SHPRH: variants seen among roughly 807,000 people sequenced by gnomAD.
SHPRH encodes E3 ubiquitin-protein ligase SHPRH.
A neutral mutation model predicts 202.5 loss-of-function variants in SHPRH; 106 were observed. The observed-to-expected ratio is 0.52, with a 90% CI of 0.45 to 0.62. SHPRH has a LOEUF of 0.62. SHPRH is among the 20% of genes least tolerant of loss of function. The probability of loss-of-function intolerance (pLI) is 0.00; values close to 1 mark genes in which losing one functional copy is unlikely to be tolerated. For synonymous variants in SHPRH, 729 were observed against 686.0 expected (o/e 1.06, Z -0.98); for missense variants, 1,710 against 2,020.0 (o/e 0.85, Z 2.94).
At chr6:145,946,696 TGATA>T (rs1472450253) in intron 6 of SHPRH, among the ~76,000 whole-genome samples, 3 of 151,988 alleles carry the variant, frequency 2.0e-5, no homozygotes, top group Non-Finnish European at 4.4e-5. Context: ...AAGAAGTTAC[TGATA>T]GTTAAGTCAA....
intron 2 of SHPRH, among the ~76,000 whole-genome samples, chr6:145,865,586 A>G (rs1182817711): frequency 6.6e-6 from 1 of 152,232 alleles, no homozygotes; most frequent in Non-Finnish European, 1.5e-5. Context: ...AGGATTTAGA[A>G]GCAGACGTTT....
chr6:145,904,943 G>T (rs1458987465), intron 25 of SHPRH: 2 of 152,082 alleles, frequency 1.3e-5, no homozygotes, highest in African/African-American at 4.8e-5. Flanking sequence ...CACAGCACAT[G>T]TAACTGTGCC....
intron 2 of SHPRH, among the ~76,000 whole-genome samples, chr6:145,875,915 A>G (rs571662553): frequency 3.3e-5 from 5 of 152,342 alleles, no homozygotes; most frequent in African/African-American, 1.2e-4. Context: ...ATTTTCATCT[A>G]CAATTGGCTC....
intron 17 of SHPRH, among the ~76,000 whole-genome samples, chr6:145,924,061 CTGTT>C (rs576321065): frequency 5.4e-4 from 82 of 151,976 alleles, no homozygotes; most frequent in African/African-American, 1.7e-3. Context: ...ACTAAAAAAA[CTGTT>C]TACGCCAAAT....
the SHPRH span, among the ~76,000 whole-genome samples, chr6:145,858,134 T>C: frequency 1.3e-5 from 2 of 152,130 alleles, no homozygotes; most frequent in Non-Finnish European, 2.9e-5. Flanking sequence ...TAAAACGGTA[T>C]GGAGTTTGGA....
intron 1 of SHPRH, among the ~76,000 whole-genome samples, chr6:145,962,331 G>C (rs1041932173): frequency 6.6e-6 from 1 of 152,152 alleles, no homozygotes; most frequent in Non-Finnish European, 1.5e-5. Flanking sequence ...CATACAAAAA[G>C]GGTGAAACAA....
intron 21 of SHPRH, among the ~76,000 whole-genome samples, chr6:145,920,660 T>C (rs943898968): frequency 6.6e-6 from 1 of 152,124 alleles, no homozygotes; most frequent in African/African-American, 2.4e-5. Context: ...TAATTGAAAA[T>C]TAATGAATTG....
chr6:145,892,812 G>C (rs151005467), intron 28 of SHPRH, among the ~76,000 whole-genome samples: 36 of 152,042 alleles, frequency 2.4e-4, no homozygotes, highest in Non-Finnish European at 4.4e-4. Context: ...TCATGTACAA[G>C]GTATGTCTTC....
At chr6:145,889,135 T>C (rs1781368540) in intron 28 of SHPRH, among the ~76,000 whole-genome samples, 1 of 152,144 alleles carries the variant, frequency 6.6e-6, no homozygotes, top group Non-Finnish European at 1.5e-5. Flanking sequence ...AGGAGCTATA[T>C]GGGCATGTCT....
chr6:145,925,370 ATG>A (rs1161803619), intron 16 of SHPRH, among the ~76,000 whole-genome samples: 4 of 148,274 alleles, frequency 2.7e-5, no homozygotes, highest in Admixed American at 6.7e-5. Flanking sequence ...ACACACACAC[ATG>A]CATGCAATAA....
chr6:145,868,986 CA>C (rs1434102397), intron 2 of SHPRH, among the ~76,000 whole-genome samples: 1 of 152,142 alleles, frequency 6.6e-6, no homozygotes, highest in Non-Finnish European at 1.5e-5. Context: ...GACTGTCTTC[CA>C]AAGTGGCTGT....
At chr6:145,944,938 G>C (rs987252434) in intron 8 of SHPRH, among the ~76,000 whole-genome samples, 2 of 152,062 alleles carry the variant, frequency 1.3e-5, no homozygotes, top group African/African-American at 4.8e-5. Context: ...ACATGAGCCT[G>C]TACTCACAAC....
At chr6:145,908,864 C>T (rs568647198) in intron 25 of SHPRH, 1 of 152,026 alleles carries the variant, frequency 6.6e-6, no homozygotes, top group Non-Finnish European at 1.5e-5. Flanking sequence ...GTTTTCTTCT[C>T]GGATTTTTAG....
intron 24 of SHPRH, 73 bp from the exon 25 acceptor site, chr6:145,910,709 T>A: frequency 7.5e-7 from 1 of 1,337,530 alleles, no homozygotes; most frequent in Non-Finnish European, 9.9e-7. Context: ...TAAAAAGAGA[T>A]TCGCAATTTT....
intron 5 of SHPRH, 103 bp from the exon 6 acceptor site, chr6:145,947,746 C>A (rs1787550565): frequency 1.5e-6 from 2 of 1,349,386 alleles, no homozygotes; most frequent in African/African-American, 1.5e-5. Flanking sequence ...TGCATAAAGT[C>A]TAAGTTTATT....
downstream of SHPRH, among the ~76,000 whole-genome samples, chr6:145,863,606 T>G (rs990075719): frequency 3.3e-5 from 5 of 152,108 alleles, no homozygotes; most frequent in Admixed American, 1.3e-4. Flanking sequence ...GAGAGGACAG[T>G]GAGCTTAATG....
chr6:145,949,230 A>C (rs1007578999), intron 4 of SHPRH, among the ~76,000 whole-genome samples: 4 of 152,076 alleles, frequency 2.6e-5, no homozygotes, highest in African/African-American at 4.8e-5. Flanking sequence ...AAGTGAAACA[A>C]GTCATTATAT....
At chr6:145,901,711 A>C (rs1365762670) in intron 25 of SHPRH, among the ~76,000 whole-genome samples, 1 of 151,916 alleles carries the variant, frequency 6.6e-6, no homozygotes, top group African/African-American at 2.4e-5. Flanking sequence ...TAATCTCTTA[A>C]TATATTAGGT....
chr6:145,920,755 T>C (rs936453522), intron 21 of SHPRH, among the ~76,000 whole-genome samples: 1 of 152,086 alleles, frequency 6.6e-6, no homozygotes, highest in Non-Finnish European at 1.5e-5. Context: ...TTTATTGGAA[T>C]GGTTTCCAAA....
Sources: gnomAD v4.1 joint callset for allele counts (sites outside exome capture counted in the v4.1 genomes callset) on GRCh38, gnomAD v4.1.1 for gene constraint, MANE v1.5 for transcripts, NCBI Gene and HGNC (gene_info 2026-07-23, HGNC 2026-07-21) for gene names.